IL1RAPL1: variants seen among roughly 807,000 people sequenced by gnomAD.
IL1RAPL1 encodes interleukin 1 receptor accessory protein like 1.
IL1RAPL1 carries 3 observed loss-of-function variants against 48.4 expected under a neutral mutation model. That is an observed-to-expected ratio of 0.06 (90% CI 0.03 to 0.16). The LOEUF is 0.16. IL1RAPL1 is among the 10% of genes least tolerant of loss of function. The pLI, the probability that IL1RAPL1 is intolerant of heterozygous loss-of-function variation, is 1.00. For synonymous variants in IL1RAPL1, 185 were observed against 187.7 expected (o/e 0.99, Z 0.12); for missense variants, 349 against 530.6 (o/e 0.66, Z 3.36).
chrX:29,594,422 G>T (rs1266152971), intron 5 of IL1RAPL1, among the ~76,000 whole-genome samples: 1 of 111,232 alleles, frequency 9.0e-6, no homozygotes, highest in Non-Finnish European at 1.9e-5. Context: ...AATTAAAGGA[G>T]CCCTGTTCTG....
chrX:28,592,401 A>G (rs1933915029), intron 1 of IL1RAPL1, among the ~76,000 whole-genome samples: 1 of 111,496 alleles, frequency 9.0e-6, no homozygotes, highest in African/African-American at 3.3e-5. Context: ...CAAAAGCATA[A>G]TGAGTTTGAA....
At chrX:28,754,079 G>C (rs899363948) in intron 1 of IL1RAPL1, among the ~76,000 whole-genome samples, 2 of 110,826 alleles carry the variant, frequency 1.8e-5, no homozygotes, top group African/African-American at 6.6e-5. Context: ...TTGTAAAACA[G>C]AACACTTTTT....
chrX:28,749,852 G>A (rs1430283636), intron 1 of IL1RAPL1, among the ~76,000 whole-genome samples: 1 of 105,044 alleles, frequency 9.5e-6, no homozygotes, highest in East Asian at 2.9e-4. Flanking sequence ...TTTCCCCTAT[G>A]TTTTCTTCTA....
At chrX:29,795,600 G>T (rs1041691938) in intron 6 of IL1RAPL1, among the ~76,000 whole-genome samples, 5 of 112,186 alleles carry the variant, frequency 4.5e-5, no homozygotes, top group Non-Finnish European at 9.4e-5. Context: ...TAGTAAAGAC[G>T]GGTTTGTGCT....
chrX:29,879,935 A>C (rs1158668550), intron 6 of IL1RAPL1, among the ~76,000 whole-genome samples: 1 of 111,573 alleles, frequency 9.0e-6, no homozygotes, highest in Non-Finnish European at 1.9e-5. Flanking sequence ...CTCTCTTTGC[A>C]TATGAGATTA....
chrX:28,929,967 G>C (rs954981742), intron 2 of IL1RAPL1, among the ~76,000 whole-genome samples: 16 of 112,314 alleles, frequency 1.4e-4, no homozygotes, highest in African/African-American at 4.8e-4. Flanking sequence ...TTCTTTTTAA[G>C]AGTGTTAACT....
At chrX:29,839,529 T>A (rs894653291) in intron 6 of IL1RAPL1, among the ~76,000 whole-genome samples, 24 of 112,480 alleles carry the variant, frequency 2.1e-4, no homozygotes, top group African/African-American at 7.1e-4. Context: ...ACCTGGAGGA[T>A]CAACTTCTGC....
At chrX:29,206,205 T>G (rs771988271) in intron 2 of IL1RAPL1, among the ~76,000 whole-genome samples, 8 of 111,903 alleles carry the variant, frequency 7.1e-5, no homozygotes, top group Non-Finnish European at 1.3e-4. Flanking sequence ...TCTGTATACT[T>G]GCTGTTCTTA....
At chrX:28,835,075 A>G (rs776758159) in intron 2 of IL1RAPL1, among the ~76,000 whole-genome samples, 10 of 112,015 alleles carry the variant, frequency 8.9e-5, no homozygotes, top group Admixed American at 9.5e-5. Context: ...GAAGCCAGTC[A>G]GAAGAGGTAT....
At chrX:29,743,839 T>C (rs952878718) in intron 6 of IL1RAPL1, among the ~76,000 whole-genome samples, 1 of 112,335 alleles carries the variant, frequency 8.9e-6, no homozygotes, top group Non-Finnish European at 1.9e-5. Context: ...CATGCTGTTA[T>C]ATTAGGTTAG....
chrX:29,669,165 T>G (rs931870938), intron 6 of IL1RAPL1, among the ~76,000 whole-genome samples: 6 of 111,600 alleles, frequency 5.4e-5, no homozygotes, highest in African/African-American at 1.9e-4. Flanking sequence ...TATACTAAAT[T>G]ATGAAAAATT....
At chrX:29,650,981 C>A (rs1404273811) in intron 5 of IL1RAPL1, among the ~76,000 whole-genome samples, 2 of 110,439 alleles carry the variant, frequency 1.8e-5, no homozygotes, top group Non-Finnish European at 3.8e-5. Flanking sequence ...ATAGACATTT[C>A]TCAAAAGAAA....
chrX:29,322,042 G>T, intron 3 of IL1RAPL1, among the ~76,000 whole-genome samples: 1 of 108,699 alleles, frequency 9.2e-6, no homozygotes. Flanking sequence ...ATTACACTAT[G>T]AAAAAATAAA....
chrX:28,940,336 G>A (rs1173337059), intron 2 of IL1RAPL1, among the ~76,000 whole-genome samples: 2 of 111,032 alleles, frequency 1.8e-5, no homozygotes, highest in Non-Finnish European at 3.8e-5. Flanking sequence ...CAAAAATATT[G>A]AGTAGCATTT....
intron 2 of IL1RAPL1, among the ~76,000 whole-genome samples, chrX:28,952,682 A>G (rs1481327756): frequency 9.0e-6 from 1 of 111,456 alleles, no homozygotes; most frequent in African/African-American, 3.2e-5. Flanking sequence ...AGAAAACAAA[A>G]CCATTATTGA....
chrX:28,977,898 G>A (rs1458641971), intron 2 of IL1RAPL1, among the ~76,000 whole-genome samples: 4 of 111,929 alleles, frequency 3.6e-5, no homozygotes, highest in Admixed American at 1.9e-4. Context: ...GGGGGGTGGA[G>A]GTTGCAGTGA....
chrX:29,918,144 A>AAAAAAAAAAAAAAAATATATATATAT (rs1555935868), intron 7 of IL1RAPL1, among the ~76,000 whole-genome samples: 2 of 23,755 alleles, frequency 8.4e-5, no homozygotes, highest in Non-Finnish European at 1.3e-4. Context: ...AAAAAAAAAA[A>AAAAAAAAAAAAAAAATATATATATAT]ATATATATAT....
intron 1 of IL1RAPL1, among the ~76,000 whole-genome samples, chrX:28,682,715 A>T (rs1935075308): frequency 8.9e-6 from 1 of 112,249 alleles, no homozygotes; most frequent in African/African-American, 3.2e-5. Context: ...AAAATAGAAA[A>T]TTCAAGTTAT....
At position 28,990,149 on chromosome X, in the gene IL1RAPL1, G is replaced by A. The variant is rs907118558; in HGVS notation, c.82+200724G>A. Among the ~76,000 whole-genome samples, 5 of 111,412 alleles carry A rather than the reference G, an allele frequency of 4.5e-5. No individual in the cohort carries two copies. In the East Asian group the frequency reaches 1.4e-3, roughly 32 times the overall value. ...AAATTAAAAATTAGATGGACCAGTG[G>A]CCCCCAGGTCGGCACCCCTACTCTC... On this transcript the variant is annotated intron_variant, in intron 2 of 10. Coordinates refer to ENST00000378993, the MANE Select transcript of IL1RAPL1 (RefSeq NM_014271.4).
Sources: gnomAD v4.1 joint callset for allele counts (sites outside exome capture counted in the v4.1 genomes callset) on GRCh38, gnomAD v4.1.1 for gene constraint, MANE v1.5 for transcripts, NCBI Gene and HGNC (gene_info 2026-07-23, HGNC 2026-07-21) for gene names.